Variants in NR2C2 observed in about 807,000 individuals in gnomAD.
The protein encoded by NR2C2 is Nuclear hormone receptor TR4.
Under a neutral mutation model 62.9 loss-of-function variants are expected in NR2C2, and 6 were observed. The observed-to-expected ratio is 0.10, with a 90% confidence interval of 0.05 to 0.19. The LOEUF is 0.19. NR2C2 is among the 10% of genes least tolerant of loss of function. The pLI, the probability that NR2C2 is intolerant of heterozygous loss-of-function variation, is 1.00. For synonymous variants in NR2C2, 272 were observed against 273.8 expected (o/e 0.99, Z 0.07); for missense variants, 479 against 762.7 (o/e 0.63, Z 4.38).
chr3:15,007,402 C>T (rs1460528257), intron 2 of NR2C2, among the ~76,000 whole-genome samples: 3 of 152,262 alleles, frequency 2.0e-5, no homozygotes, highest in Non-Finnish European at 2.9e-5. Flanking sequence ...TCTGGGATTA[C>T]AGGCATGAGC....
intron 1 of NR2C2, among the ~76,000 whole-genome samples, chr3:14,972,556 T>C (rs1239487499): frequency 6.6e-6 from 1 of 152,094 alleles, no homozygotes; most frequent in Admixed American, 6.6e-5. Context: ...TTTAATTGGG[T>C]AGTTTGAGGT....
intron 8 of NR2C2, among the ~76,000 whole-genome samples, chr3:15,029,344 A>C (rs2041906776): frequency 1.3e-5 from 2 of 152,302 alleles, no homozygotes; most frequent in African/African-American, 4.8e-5. Context: ...GTATGAGCTA[A>C]TGCCAGATGC....
intron 1 of NR2C2, among the ~76,000 whole-genome samples, chr3:15,003,198 A>G (rs1177233826): frequency 1.3e-5 from 2 of 149,278 alleles, no homozygotes; most frequent in African/African-American, 5.0e-5. Flanking sequence ...TGATCTGCCC[A>G]CCTTGGCCTC....
At chr3:14,973,955 A>G (rs937419281) in intron 1 of NR2C2, among the ~76,000 whole-genome samples, 15 of 152,218 alleles carry the variant, frequency 9.9e-5, no homozygotes, top group Admixed American at 9.8e-4. Flanking sequence ...TCAAAAAATT[A>G]CAAGTCAGAT....
Position 15,044,803 on chromosome 3 carries a change from G to A in NR2C2, c.*1795G>A, listed in dbSNP as rs1466215297. ...CACATTGGACAGAATGGAAGCTGCT[G>A]CAGGCTCAAGGCAGAACAGGATGCT... On this transcript the variant is annotated 3_prime_UTR_variant, in exon 14 of 14. Coordinates refer to ENST00000425241, the MANE Select transcript of NR2C2 (RefSeq NM_001291694.2). 6.6e-6 allele frequency: 1 copy of A among 152,268 alleles called. No individual in the cohort carries two copies. The highest frequency in any genetic ancestry group is 1.5e-5 in the Non-Finnish European group (1 of 68,070). The allele number at this position is 152,268 out of a possible 1,614,324, so 9.4% of individuals were successfully genotyped here.
In NR2C2 at chr3:15,043,374, A is replaced by T. The variant is rs1261040057; in HGVS notation, c.*366A>T. On this transcript the variant is annotated 3_prime_UTR_variant, in exon 14 of 14. Transcript: ENST00000425241. The stretch of plus-strand genomic sequence containing the variant: ...ATAGTATGTGTGTATATATATATAT[A>T]AAAAAGTCCTTGGAATTATAGATAC... The T allele has an allele frequency of 1.3e-5, 2 of 155,772 alleles. No individual in the cohort carries two copies. Among genetic ancestry groups the T allele is most frequent in the Non-Finnish European group, 2.8e-5 (2 of 70,322 alleles). The allele number at this position is 155,772 out of a possible 1,614,324, so 9.6% of individuals were successfully genotyped here.
chr3:14,998,528 T>A (rs950170752), intron 1 of NR2C2, among the ~76,000 whole-genome samples: 1 of 152,370 alleles, frequency 6.6e-6, no homozygotes, highest in Non-Finnish European at 1.5e-5. Flanking sequence ...CCTTGGAACA[T>A]CTTTTCCTGT....
intron 13 of NR2C2, among the ~76,000 whole-genome samples, chr3:15,039,748 G>C (rs1041313886): frequency 1.3e-5 from 2 of 152,154 alleles, no homozygotes; most frequent in South Asian, 4.1e-4. Context: ...ATAAAGGAGT[G>C]GATGAGTTAT....
chr3:15,037,212 T>C (rs911972429), intron 11 of NR2C2, among the ~76,000 whole-genome samples: 2 of 139,226 alleles, frequency 1.4e-5, no homozygotes, highest in African/African-American at 5.8e-5. Flanking sequence ...TTTTTGTTTG[T>C]GTGTGTGTGT....
At chr3:14,984,591 C>T (rs1255001009) in intron 1 of NR2C2, among the ~76,000 whole-genome samples, 2 of 152,170 alleles carry the variant, frequency 1.3e-5, no homozygotes, top group East Asian at 1.9e-4. Context: ...TTTCATTTAG[C>T]GAAGTTATTT....
intron 11 of NR2C2, among the ~76,000 whole-genome samples, chr3:15,036,318 A>G (rs1174057366): frequency 1.3e-5 from 2 of 152,162 alleles, no homozygotes; most frequent in African/African-American, 4.8e-5. Context: ...ATCTGTGGCA[A>G]CTATCTAGTA....
At chr3:14,988,948 G>T (rs969211415) in intron 1 of NR2C2, among the ~76,000 whole-genome samples, 1 of 152,076 alleles carries the variant, frequency 6.6e-6, no homozygotes, top group African/African-American at 2.4e-5. Context: ...TTTTCTTTCA[G>T]CCTCCTTCTC....
At chr3:15,013,335 A>G (rs932516422) in intron 2 of NR2C2, among the ~76,000 whole-genome samples, 1 of 152,246 alleles carries the variant, frequency 6.6e-6, no homozygotes, top group Non-Finnish European at 1.5e-5. Context: ...ATTTCATAAA[A>G]GAAAGGGCAT....
rs563426869 is a variant in NR2C2 at position 14,971,641 on chromosome 3, A to C, written c.-40+23735A>C. 1.8e-4 allele frequency among the ~76,000 whole-genome samples: 27 copies of C among 151,610 alleles called. No individual in the cohort carries two copies. The South Asian group carries it at 3.9e-3, about 22-fold the overall frequency. On this transcript the variant is annotated intron_variant, in intron 1 of 13. Transcript: ENST00000425241. Reference sequence around the variant, plus strand: ...TTCTAGTTTCTCCACATCCTCAACAACACGTTATTTGTTGTTTTGTTTTTT... The same window carrying C: ...TTCTAGTTTCTCCACATCCTCAACACCACGTTATTTGTTGTTTTGTTTTTT...
chr3:15,030,494 G>C (rs752513765), intron 9 of NR2C2, 42 bp downstream of exon 9: 17 of 1,525,674 alleles, frequency 1.1e-5, no homozygotes, highest in Non-Finnish European at 1.4e-5. Flanking sequence ...AACCTGCTGG[G>C]GGATAGGTTC....
intron 1 of NR2C2, among the ~76,000 whole-genome samples, chr3:14,960,077 A>G (rs1404967174): frequency 1.3e-5 from 2 of 152,218 alleles, no homozygotes; most frequent in Non-Finnish European, 2.9e-5. Flanking sequence ...GGAGTTACAT[A>G]TGAGGGGAAA....
chr3:14,961,020 C>A (rs1182546059), intron 1 of NR2C2, among the ~76,000 whole-genome samples: 2 of 152,160 alleles, frequency 1.3e-5, no homozygotes, highest in Non-Finnish European at 2.9e-5. Flanking sequence ...ATAAACTTAT[C>A]TCCTCAGTTT....
chr3:14,958,421 G>A (rs757489357), intron 1 of NR2C2, among the ~76,000 whole-genome samples: 1 of 152,092 alleles, frequency 6.6e-6, no homozygotes, highest in Middle Eastern at 3.4e-3. Context: ...CATTATTGTG[G>A]GGGTGGGGGG....
At chr3:15,010,362 A>C (rs985647949) in intron 2 of NR2C2, among the ~76,000 whole-genome samples, 1 of 152,112 alleles carries the variant, frequency 6.6e-6, no homozygotes, top group Non-Finnish European at 1.5e-5. Context: ...ATAAAAAAAA[A>C]AAACCCAAAA....
Sources: allele counts gnomAD v4.1 joint callset (sites outside exome capture counted in the v4.1 genomes callset), GRCh38; gene constraint gnomAD v4.1.1; transcripts MANE v1.5; gene names NCBI Gene and HGNC (gene_info 2026-07-23, HGNC 2026-07-21).